CWC22: variants seen among roughly 807,000 people sequenced by gnomAD.
CWC22 encodes pre-mRNA-splicing factor CWC22 homolog.
CWC22 carries 53 observed loss-of-function variants against 117.2 expected under a neutral mutation model. The observed-to-expected ratio is 0.45, with a 90% CI of 0.36 to 0.57. CWC22 has a LOEUF of 0.57. Ranked by LOEUF, CWC22 falls within the 20% of genes least tolerant of loss-of-function variation. The pLI is 0.00. For synonymous variants in CWC22, 360 were observed against 355.6 expected, an observed-to-expected ratio of 1.01 and a Z score of -0.14; for missense variants, 980 against 1,068.8, an observed-to-expected ratio of 0.92 and a Z score of 1.16.
intron 17 of CWC22, among the ~76,000 whole-genome samples, chr2:179,951,725 A>G (rs1686453230): frequency 6.6e-6 from 1 of 152,076 alleles, no homozygotes; most frequent in Non-Finnish European, 1.5e-5. Flanking sequence ...CAGGGACCAA[A>G]TAAGTAAGTA....
intron 1 of CWC22, among the ~76,000 whole-genome samples, chr2:179,998,879 C>G (rs372302949): frequency 2.6e-5 from 4 of 152,120 alleles, no homozygotes; most frequent in Non-Finnish European, 4.4e-5. Context: ...GTCTTACACC[C>G]GGTTCCTCTT....
At chr2:179,991,728 C>T (rs547839364) in intron 2 of CWC22, among the ~76,000 whole-genome samples, 43 of 152,294 alleles carry the variant, frequency 2.8e-4, no homozygotes, top group African/African-American at 9.6e-4. Context: ...GTTTCCTTTA[C>T]GTCTCCAGCT....
At position 179,967,288 on chromosome 2, in the gene CWC22, AT is replaced by A. The variant is rs1182969769; in HGVS notation, c.1211-1307del. ...TGAAGGTCAAATGAATTGTCTAATC[AT>A]TTACATCATCCTCTTCTCATCTCTC... is the stretch of plus-strand genomic sequence containing the variant. On this transcript the variant is annotated intron_variant, in intron 11 of 19. Coordinates refer to ENST00000410053, the MANE Select transcript of CWC22 (RefSeq NM_020943.3). Among the ~76,000 whole-genome samples, 219 of 152,294 alleles carry A rather than the reference AT, an allele frequency of 1.4e-3. 1 individual carries two copies. Among genetic ancestry groups the A allele is most frequent in the Non-Finnish European group, 4.7e-4 (32 of 68,040 alleles).
intron 1 of CWC22, among the ~76,000 whole-genome samples, chr2:179,994,479 C>T (rs1331366627): frequency 6.6e-6 from 1 of 152,036 alleles, no homozygotes; most frequent in Non-Finnish European, 1.5e-5. Context: ...ATAAGGACAC[C>T]CTGTTAAGTA....
At chr2:179,972,640 T>C (rs148558602) in intron 8 of CWC22, among the ~76,000 whole-genome samples, 12 of 152,208 alleles carry the variant, frequency 7.9e-5, no homozygotes, top group Non-Finnish European at 1.3e-4. Context: ...CAAGTAACCA[T>C]GTACAGTATT....
intron 2 of CWC22, 135 bp from the exon 3 acceptor site, chr2:179,988,779 C>A (rs781431688): frequency 5.7e-6 from 3 of 530,700 alleles, no homozygotes; most frequent in African/African-American, 2.0e-5. Context: ...AAGAATAATT[C>A]ATGTAACCTA....
chr2:179,992,629 A>T (rs753688398), intron 2 of CWC22, among the ~76,000 whole-genome samples: 1 of 152,182 alleles, frequency 6.6e-6, no homozygotes, highest in Non-Finnish European at 1.5e-5. Flanking sequence ...AATTTATTTT[A>T]TCTCCTCCCC....
intron 1 of CWC22, among the ~76,000 whole-genome samples, chr2:180,005,023 GAA>G (rs1156980514): frequency 3.1e-5 from 4 of 129,472 alleles, no homozygotes; most frequent in Admixed American, 7.8e-5. Flanking sequence ...AATGCTTTCG[GAA>G]AAAAAAAAAA....
chr2:179,957,247 C>A (rs1177858916), intron 14 of CWC22, among the ~76,000 whole-genome samples: 1 of 151,810 alleles, frequency 6.6e-6, no homozygotes, highest in Non-Finnish European at 1.5e-5. Flanking sequence ...CAAACAAGCA[C>A]ACTATTACTA....
At chr2:179,976,102 T>C (rs1234182474) in intron 6 of CWC22, among the ~76,000 whole-genome samples, 2 of 152,172 alleles carry the variant, frequency 1.3e-5, no homozygotes, top group Admixed American at 1.3e-4. Flanking sequence ...AATCCAGACA[T>C]TGGCAGTCAA....
At chr2:179,986,268 T>C (rs1354779458) in intron 4 of CWC22, among the ~76,000 whole-genome samples, 1 of 152,150 alleles carries the variant, frequency 6.6e-6, no homozygotes, top group Admixed American at 6.5e-5. Flanking sequence ...TCAATGTCCC[T>C]CTGCCATTAC....
intron 5 of CWC22, among the ~76,000 whole-genome samples, chr2:179,979,576 T>C (rs6759271): frequency 0.9 from 136,674 of 152,236 alleles, 61,402 homozygotes; most frequent in East Asian, 1. Context: ...AGAGCAGTTC[T>C]TGGTGGGAAC....
chr2:179,969,478 A>G (rs928406758), intron 11 of CWC22, among the ~76,000 whole-genome samples: 3 of 152,224 alleles, frequency 2.0e-5, no homozygotes, highest in Non-Finnish European at 4.4e-5. Context: ...ACTACTGAAC[A>G]ATGGAATGCA....
At chr2:179,996,016 C>G (rs1378777603) in intron 1 of CWC22, among the ~76,000 whole-genome samples, 1 of 152,164 alleles carries the variant, frequency 6.6e-6, no homozygotes, top group African/African-American at 2.4e-5. Context: ...ATGTACAAGA[C>G]AGATTCCTGC....
At chr2:179,984,403 G>C (rs1687361875) in intron 4 of CWC22, among the ~76,000 whole-genome samples, 1 of 151,988 alleles carries the variant, frequency 6.6e-6, no homozygotes, top group Admixed American at 6.6e-5. Context: ...AGACAAGCCT[G>C]GATTTTGAAG....
Position 179,952,452 on chromosome 2 carries a change from T to C in CWC22, c.1817+19A>G, listed in dbSNP as rs145434246. ...ACCAGAGGTCAATAAGAATAAAAAG[T>C]GCTTAATGGCAAACTTACTCATCCT... On this transcript the variant is annotated intron_variant, in intron 17 of 19. Coordinates refer to ENST00000410053, the MANE Select transcript of CWC22 (RefSeq NM_020943.3). The C allele has an allele frequency of 6.5e-7, 1 of 1,546,978 alleles. No individual in the cohort carries two copies. Among genetic ancestry groups the C allele is most frequent in the South Asian group, 1.2e-5 (1 of 80,318 alleles).
chr2:179,998,444 G>C (rs1687762905), intron 1 of CWC22, among the ~76,000 whole-genome samples: 1 of 151,864 alleles, frequency 6.6e-6, no homozygotes, highest in Admixed American at 6.6e-5. Context: ...CTGAAGTACA[G>C]AGAATTCAAG....
chr2:179,976,201 G>A (rs568451993), intron 6 of CWC22, among the ~76,000 whole-genome samples: 3 of 152,150 alleles, frequency 2.0e-5, no homozygotes, highest in Non-Finnish European at 4.4e-5. Flanking sequence ...ATACCCAGAT[G>A]CAGAAGAATG....
At position 179,986,710 on chromosome 2, in the gene CWC22, C is replaced by T. The variant is rs1183627349; in HGVS notation, c.191G>A (p.Ser64Asn). The T allele has an allele frequency of 1.3e-6, 2 of 1,590,848 alleles. No homozygotes were observed. The highest frequency in any genetic ancestry group is 1.1e-5 in the South Asian group (1 of 89,858). The part of the protein sequence containing the change: ...EHSRRGRSYD[S>N]SMESRNRDRE... ...CAACACTAACCGTGACTCCATGCTACTATCATAAGAACGTCCTCTTCTTGA... is the reference window on the plus strand; with the variant it reads ...CAACACTAACCGTGACTCCATGCTATTATCATAAGAACGTCCTCTTCTTGA... Residue 64 changes from serine to asparagine, a missense_variant, in exon 4 of 20, where the codon AGT becomes AAT. Ser to Asn is a conservative substitution (Grantham distance 46). Transcript: ENST00000410053.
Sources: gnomAD v4.1 joint callset for allele counts (sites outside exome capture counted in the v4.1 genomes callset) on GRCh38, gnomAD v4.1.1 for gene constraint, MANE v1.5 for transcripts, NCBI Gene and HGNC (gene_info 2026-07-23, HGNC 2026-07-21) for gene names.